Variants in LHX8 observed in about 807,000 individuals in gnomAD.
LHX8 encodes LIM homeobox 8, also known as LIM/homeobox protein Lhx8.
LHX8 carries 12 observed loss-of-function variants against 40.3 expected under a neutral mutation model. That is an observed-to-expected ratio of 0.30 (90% CI 0.19 to 0.48). The LOEUF (loss-of-function observed/expected upper bound fraction) is 0.48, where lower values mean the gene tolerates loss of function less well. Among genes scored for constraint, LHX8 ranks in the 20% least tolerant of loss-of-function variants. LHX8 has a pLI of 0.99. For synonymous variants in LHX8, 179 were observed against 162.0 expected (o/e 1.10, Z -0.80); for missense variants, 344 against 433.7 (o/e 0.79, Z 1.84).
At chr1:75,191,602 A>C in the LHX8 span, among the ~76,000 whole-genome samples, 4 of 152,304 alleles carry the variant, frequency 2.6e-5, no homozygotes, top group Admixed American at 2.0e-4. Context: ...TCCAAAGCCA[A>C]AAAAGGGAAA....
chr1:75,166,311 C>T (rs949968015), downstream of LHX8, among the ~76,000 whole-genome samples: 9 of 152,168 alleles, frequency 5.9e-5, no homozygotes, highest in Admixed American at 3.9e-4. Flanking sequence ...CCTTCTTGAT[C>T]TTAAAGAATT....
At chr1:75,176,601 A>C in the LHX8 span, among the ~76,000 whole-genome samples, 1 of 151,984 alleles carries the variant, frequency 6.6e-6, no homozygotes, top group Non-Finnish European at 1.5e-5. Context: ...AGATTGCAAA[A>C]ATTTTCTCCC....
the LHX8 span, among the ~76,000 whole-genome samples, chr1:75,190,484 C>T: frequency 2.6e-5 from 4 of 151,942 alleles, no homozygotes; most frequent in Admixed American, 1.3e-4. Context: ...ATTTGTGTCC[C>T]ACTGCTTATT....
In LHX8 at chr1:75,134,911, A is replaced by T; in HGVS notation, c.-56A>T. On this transcript the variant is annotated 5_prime_UTR_variant, in exon 1 of 9. Transcript: ENST00000356261. ...CTTAACCTGAGACATGGAGACTGTA[A>T]TTTGGGAGATGAAGCCTCGAGCCTA... The T allele has an allele frequency of 1.0e-6, 1 of 985,230 alleles. No homozygotes were observed. Among genetic ancestry groups the T allele is most frequent in the Non-Finnish European group, 1.2e-6 (1 of 829,920 alleles). The allele number at this position is 985,230 out of a possible 1,614,324, so 61.0% of individuals were successfully genotyped here. A position where few individuals can be genotyped will look rare whatever the true frequency, so the allele number is the denominator to read the frequency against.
the LHX8 span, among the ~76,000 whole-genome samples, chr1:75,172,310 G>A: frequency 8.1e-4 from 124 of 152,204 alleles, no homozygotes; most frequent in African/African-American, 2.7e-3. Context: ...TTTTGCCCTC[G>A]TAAGTCTAGG....
intron 1 of LHX8, among the ~76,000 whole-genome samples, chr1:75,136,362 G>A (rs1648127617): frequency 6.6e-6 from 1 of 151,896 alleles, no homozygotes; most frequent in East Asian, 1.9e-4. Context: ...CCGGAGACCC[G>A]GAGCCCGGGG....
At chr1:75,156,793 T>C in intron 7 of LHX8, 100 bp from the exon 8 acceptor site, 1 of 1,001,634 alleles carries the variant, frequency 1.0e-6, no homozygotes, top group Non-Finnish European at 1.6e-6. Context: ...GCTTGTGTGG[T>C]AGTGTGATTG....
the LHX8 span, among the ~76,000 whole-genome samples, chr1:75,191,472 AAGG>A: frequency 6.6e-6 from 1 of 152,150 alleles, no homozygotes; most frequent in African/African-American, 2.4e-5. Context: ...CAATGCTACA[AAGG>A]AGGCACAGGT....
At chr1:75,172,861 C>T in the LHX8 span, among the ~76,000 whole-genome samples, 1 of 152,182 alleles carries the variant, frequency 6.6e-6, no homozygotes, top group East Asian at 1.9e-4. Context: ...ACACCCTGGG[C>T]TCTGCTAAAT....
the LHX8 span, among the ~76,000 whole-genome samples, chr1:75,166,968 G>A: frequency 6.6e-6 from 1 of 152,238 alleles, no homozygotes; most frequent in East Asian, 1.9e-4. Flanking sequence ...AGGTGTCGAA[G>A]TGGAGCTGAG....
At chr1:75,136,545 A>T (rs772358539) in intron 1 of LHX8, 58 bp from the exon 2 acceptor site, 23 of 1,268,716 alleles carry the variant, frequency 1.8e-5, no homozygotes, top group Non-Finnish European at 2.4e-5. Context: ...TGGGGCGGGC[A>T]GCACGCTCGG....
At chr1:75,197,228 T>TACTTTTTTATATG in the LHX8 span, among the ~76,000 whole-genome samples, 1 of 152,172 alleles carries the variant, frequency 6.6e-6, no homozygotes, top group African/African-American at 2.4e-5. Context: ...TCCATTAACT[T>TACTTTTTTATATG]AACATTTACT....
chr1:75,169,407 TA>T, the LHX8 span, among the ~76,000 whole-genome samples: 1 of 152,166 alleles, frequency 6.6e-6, no homozygotes, highest in Non-Finnish European at 1.5e-5. Context: ...ATATTAAATA[TA>T]ATGCAGTTGA....
intron 1 of LHX8, 146 bp from the exon 2 acceptor site, chr1:75,136,457 G>A (rs1356065704): frequency 4.3e-6 from 2 of 467,080 alleles, no homozygotes; most frequent in Admixed American, 4.1e-5. Context: ...CGCGGCGCCC[G>A]GGCTCAGGCG....
the LHX8 span, among the ~76,000 whole-genome samples, chr1:75,176,625 C>T: frequency 5.9e-5 from 9 of 152,058 alleles, no homozygotes; most frequent in Admixed American, 1.3e-4. Flanking sequence ...CTGTAGGTTG[C>T]CTGTTCACTC....
chr1:75,196,027 A>AT, the LHX8 span, among the ~76,000 whole-genome samples: 1 of 152,216 alleles, frequency 6.6e-6, no homozygotes, highest in African/African-American at 2.4e-5. Context: ...AGCTATAAAT[A>AT]ACAGCAGTTG....
At chr1:75,192,641 T>C in the LHX8 span, among the ~76,000 whole-genome samples, 1 of 151,652 alleles carries the variant, frequency 6.6e-6, no homozygotes, top group African/African-American at 2.4e-5. Flanking sequence ...TTTTAAGTAA[T>C]TTTTTTTATT....
chr1:75,148,481 G>A lies in LHX8; in HGVS notation c.685-106G>A, dbSNP rs1011214788. On this transcript the variant is annotated intron_variant, in intron 6 of 8. Transcript: ENST00000356261. ...CCATACCGATTTTCAAGTAACAAAAGTATCCCATGTTCTTGTGCATGTCTT... is the reference window on the plus strand; with the variant it reads ...CCATACCGATTTTCAAGTAACAAAAATATCCCATGTTCTTGTGCATGTCTT... 4 of 782,686 alleles carry A rather than the reference G, an allele frequency of 5.1e-6. No homozygotes were observed. In the African/African-American group the frequency reaches 6.9e-5, roughly 14 times the overall value. The allele number at this position is 782,686 out of a possible 1,614,324, so 48.5% of individuals were successfully genotyped here.
intron 7 of LHX8, among the ~76,000 whole-genome samples, chr1:75,150,721 G>A (rs1184101631): frequency 6.6e-6 from 1 of 150,644 alleles, no homozygotes; most frequent in Non-Finnish European, 1.5e-5. Context: ...CTGTCACCCA[G>A]GCTGGAGTGC....
Sources: gnomAD v4.1 joint callset for allele counts (sites outside exome capture counted in the v4.1 genomes callset) on GRCh38, gnomAD v4.1.1 for gene constraint, MANE v1.5 for transcripts, NCBI Gene and HGNC (gene_info 2026-07-23, HGNC 2026-07-21) for gene names.